The following SMYD3 variants were observed in gnomAD, a reference collection of about 807,000 sequenced individuals.
The protein encoded by SMYD3 is histone-lysine N-methyltransferase SMYD3.
Under a neutral mutation model 57.7 loss-of-function variants are expected in SMYD3, and 36 were observed. The ratio of observed to expected loss-of-function variants is 0.62; its 90% confidence interval spans 0.48 to 0.82. SMYD3 has a LOEUF of 0.82. Among genes scored for constraint, SMYD3 ranks in the 40% least tolerant of loss-of-function variants. SMYD3 has a pLI of 0.00. For missense variants in SMYD3, 515 were observed against 538.8 expected (o/e 0.96, Z 0.44); for synonymous variants, 211 against 195.0 (o/e 1.08, Z -0.68).
At chr1:246,264,161 A>G (rs1270177539) in intron 5 of SMYD3, among the ~76,000 whole-genome samples, 1 of 152,224 alleles carries the variant, frequency 6.6e-6, no homozygotes, top group Non-Finnish European at 1.5e-5. Flanking sequence ...TTGTATACTA[A>G]GCAGTAACTC....
At chr1:246,367,427 T>C (rs1316930485) in intron 1 of SMYD3, among the ~76,000 whole-genome samples, 1 of 152,204 alleles carries the variant, frequency 6.6e-6, no homozygotes, top group African/African-American at 2.4e-5. Flanking sequence ...AGTATGGTGG[T>C]CTCAGAAAGG....
chr1:246,149,483 T>G (rs1244527515), intron 5 of SMYD3, among the ~76,000 whole-genome samples: 1 of 152,200 alleles, frequency 6.6e-6, no homozygotes, highest in Non-Finnish European at 1.5e-5. Context: ...CTAGCAGAAG[T>G]GATAATTTTT....
intron 5 of SMYD3, among the ~76,000 whole-genome samples, chr1:246,104,671 G>C (rs1235812052): frequency 6.6e-6 from 1 of 152,126 alleles, no homozygotes; most frequent in Non-Finnish European, 1.5e-5. Context: ...TCGCGAGACA[G>C]TTTAAAAAGC....
intron 10 of SMYD3, among the ~76,000 whole-genome samples, chr1:245,829,970 G>T (rs2049739305): frequency 6.6e-6 from 1 of 152,082 alleles, no homozygotes; most frequent in Non-Finnish European, 1.5e-5. Context: ...GGGCTGGGGA[G>T]ATGGGGTATG....
chr1:245,891,496 G>A (rs1389283040), intron 8 of SMYD3, among the ~76,000 whole-genome samples: 3 of 152,204 alleles, frequency 2.0e-5, no homozygotes. Context: ...GGGGAGGGGA[G>A]CAATGACCTG....
chr1:245,818,423 C>A (rs896529633), intron 10 of SMYD3, among the ~76,000 whole-genome samples: 1 of 152,108 alleles, frequency 6.6e-6, no homozygotes, highest in South Asian at 2.1e-4. Context: ...ACAACCGGTA[C>A]CAGCCACTGC....
chr1:245,977,596 A>C (rs2058482067), intron 5 of SMYD3, among the ~76,000 whole-genome samples: 1 of 152,106 alleles, frequency 6.6e-6, no homozygotes, highest in Non-Finnish European at 1.5e-5. Context: ...GGAGAATTAC[A>C]TGAACCCAGG....
At chr1:245,827,841 A>T (rs1210246271) in intron 10 of SMYD3, among the ~76,000 whole-genome samples, 3 of 152,156 alleles carry the variant, frequency 2.0e-5, no homozygotes, top group African/African-American at 7.2e-5. Flanking sequence ...TTACAGAGCT[A>T]ATTAATGAGG....
chr1:246,071,283 G>A (rs1363067563), intron 5 of SMYD3, among the ~76,000 whole-genome samples: 3 of 152,150 alleles, frequency 2.0e-5, no homozygotes, highest in Non-Finnish European at 4.4e-5. Context: ...TAATGCTGAA[G>A]GTGAGGTGCC....
At chr1:246,229,515 T>C (rs1424982135) in intron 5 of SMYD3, among the ~76,000 whole-genome samples, 1 of 152,250 alleles carries the variant, frequency 6.6e-6, no homozygotes, top group Non-Finnish European at 1.5e-5. Context: ...ATAGAGATGA[T>C]GCAAAGTTAA....
At position 246,113,178 on chromosome 1, in the gene SMYD3, T is replaced by C. The variant is rs573358456; in HGVS notation, c.532-183241A>G. On this transcript the variant is annotated intron_variant, in intron 5 of 11. Transcript: ENST00000490107. ...GCCTGGGCAACAGAGTAAGACTCTG[T>C]CTCAAAAAATAAATAAATAAATAAA... Among the ~76,000 whole-genome samples the C allele has an allele frequency of 6.5e-4, 90 of 139,206 alleles. 1 individual carries two copies. The South Asian group carries it at 0.02, about 31-fold the overall frequency. The allele number at this position is 139,206 out of a possible 152,430, so 91.3% of individuals were successfully genotyped here.
intron 1 of SMYD3, among the ~76,000 whole-genome samples, chr1:246,429,667 A>ACT (rs2067271259): frequency 6.6e-6 from 1 of 152,172 alleles, no homozygotes; most frequent in Non-Finnish European, 1.5e-5. Flanking sequence ...CAGAGGCCTC[A>ACT]CTCCTCAACC....
chr1:245,922,531 C>T (rs1016022232), intron 7 of SMYD3, among the ~76,000 whole-genome samples: 6 of 152,140 alleles, frequency 3.9e-5, no homozygotes, highest in Admixed American at 2.6e-4. Flanking sequence ...TGCTTTGATA[C>T]GTAAGATGAG....
At chr1:246,036,101 T>C (rs2148278473) in intron 5 of SMYD3, among the ~76,000 whole-genome samples, 1 of 152,340 alleles carries the variant, frequency 6.6e-6, no homozygotes, top group Non-Finnish European at 1.5e-5. Context: ...AAACAGTACC[T>C]GGGACTTATA....
intron 5 of SMYD3, among the ~76,000 whole-genome samples, chr1:246,156,065 T>C (rs2062019114): frequency 6.6e-6 from 1 of 152,182 alleles, no homozygotes; most frequent in Admixed American, 6.5e-5. Context: ...AATTTTTTTT[T>C]TTCAATTAAT....
At chr1:246,234,669 A>C (rs769936739) in intron 5 of SMYD3, among the ~76,000 whole-genome samples, 80 of 110,414 alleles carry the variant, frequency 7.2e-4, no homozygotes, top group Middle Eastern at 4.0e-3. Flanking sequence ...TAGTATCTTA[A>C]AATATTTCAT....
chr1:245,814,435 A>G, intron 10 of SMYD3: 1 of 942,584 alleles, frequency 1.1e-6, no homozygotes, highest in Non-Finnish European at 1.3e-6. Flanking sequence ...AAAAAAAAAT[A>G]AAAACGAAAA....
At chr1:245,752,536 G>A (rs1248796554) in intron 11 of SMYD3, among the ~76,000 whole-genome samples, 1 of 152,194 alleles carries the variant, frequency 6.6e-6, no homozygotes, top group Non-Finnish European at 1.5e-5. Flanking sequence ...ACATACTACA[G>A]GCTCCAGGCT....
intron 5 of SMYD3, among the ~76,000 whole-genome samples, chr1:245,960,852 T>C (rs1018446619): frequency 1.3e-5 from 2 of 152,240 alleles, no homozygotes; most frequent in Non-Finnish European, 2.9e-5. Context: ...TTTGCATTTT[T>C]CACAGAGAGA....
Sources: allele counts gnomAD v4.1 joint callset (sites outside exome capture counted in the v4.1 genomes callset), GRCh38; gene constraint gnomAD v4.1.1; transcripts MANE v1.5; gene names NCBI Gene and HGNC (gene_info 2026-07-23, HGNC 2026-07-21).